MMP25: variants seen among roughly 807,000 people sequenced by gnomAD.
The protein encoded by MMP25 is matrix metallopeptidase 25.
In MMP25, 68 loss-of-function variants were observed where a neutral mutation model predicts 62.1. The ratio of observed to expected loss-of-function variants is 1.10; its 90% CI spans 0.90 to 1.34. The LOEUF is 1.34. Ranked by LOEUF, MMP25 falls within the 40% of genes most tolerant of loss-of-function variation. The pLI, the probability that MMP25 is intolerant of heterozygous loss-of-function variation, is 0.00. For synonymous variants in MMP25, 407 were observed against 345.6 expected, an observed-to-expected ratio of 1.18 and a Z score of -1.97; for missense variants, 942 against 792.5, an observed-to-expected ratio of 1.19 and a Z score of -2.26.
intron 4 of MMP25, 170 bp from the exon 5 acceptor site, chr16:3,056,863 T>C: frequency 1.6e-6 from 1 of 608,312 alleles, no homozygotes; most frequent in Non-Finnish European, 2.8e-6. Context: ...ACTGAGTGAC[T>C]GGAGACAGGG....
chr16:3,056,410 CTTT>C (rs1956010207), intron 4 of MMP25, among the ~76,000 whole-genome samples: 1 of 150,216 alleles, frequency 6.7e-6, no homozygotes, highest in African/African-American at 2.5e-5. Context: ...TTTCTTTTTA[CTTT>C]TTTTGAGACG....
At chr16:3,049,835 C>T (rs999153376) in intron 2 of MMP25, among the ~76,000 whole-genome samples, 174 bp from the exon 3 acceptor site, 1 of 152,262 alleles carries the variant, frequency 6.6e-6, no homozygotes, top group Non-Finnish European at 1.5e-5. Context: ...TTGGTAGGAG[C>T]TGGCTTCCAG....
chr16:3,058,583 C>T lies in MMP25; in HGVS notation c.1331C>T (p.Ala444Val), dbSNP rs1418583637. ...TACTGGCGCTACGACGAGGCGGCGG[C>T]GCGCCCGGACCCCGGCTACCCTCGC... ...RQYWRYDEAAARPDPGYPRDL... is the reference protein window; with the variant it reads ...RQYWRYDEAAVRPDPGYPRDL... Residue 444 changes from alanine to valine, a missense_variant, in exon 9 of 10, where the codon GCG (alanine) becomes GTG (valine). Transcript: ENST00000336577. 3 of 1,607,834 alleles carry T rather than the reference C, an allele frequency of 1.9e-6. No individual in the cohort carries two copies. Among genetic ancestry groups the T allele is most frequent in the Non-Finnish European group, 2.5e-6 (3 of 1,178,064 alleles).
chr16:3,047,122 C>T, intron 1 of MMP25, 106 bp downstream of exon 1: 3 of 1,252,594 alleles, frequency 2.4e-6, no homozygotes, highest in Non-Finnish European at 1.1e-6. Context: ...ATTCCAATAT[C>T]CAAAGAGTGA....
Position 3,058,618 on chromosome 16 carries a change from C to T in MMP25, c.1366C>T (p.Leu456Phe), listed in dbSNP as rs1273930283. The T allele has an allele frequency of 4.4e-6, 7 of 1,606,942 alleles. No homozygotes were observed. In the South Asian group the frequency reaches 7.7e-5, roughly 18 times the overall value. The change falls in exon 9 of 10, where the codon CTC (leucine) becomes TTC (phenylalanine). Residue 456 changes from leucine to phenylalanine, a missense_variant. By Grantham distance (22) the Leu-to-Phe change is conservative. Transcript: ENST00000336577. ...PDPGYPRDLS[L>F]WEGAPPSPDD... Reference sequence around the variant, plus strand: ...CCCCGGCTACCCTCGCGACCTGAGCCTCTGGGAAGGCGCGCCCCCCTCCCC... The same window carrying T: ...CCCCGGCTACCCTCGCGACCTGAGCTTCTGGGAAGGCGCGCCCCCCTCCCC...
At chr16:3,054,070 G>A (rs1235806796) in intron 4 of MMP25, 1 of 151,512 alleles carries the variant, frequency 6.6e-6, no homozygotes, top group African/African-American at 2.4e-5. Context: ...ACAAAGAAGG[G>A]ATCGGGGATT....
intron 2 of MMP25, among the ~76,000 whole-genome samples, chr16:3,047,990 C>T (rs1054317699): frequency 2.0e-5 from 3 of 152,078 alleles, no homozygotes; most frequent in African/African-American, 7.2e-5. Context: ...CAGGCACGCA[C>T]CATCACACCA....
Position 3,058,538 on chromosome 16 carries a change from A to C in MMP25, c.1286A>C (p.Tyr429Ser). 1.9e-6 allele frequency: 3 copies of C among 1,610,650 alleles called. No homozygotes were observed. Among genetic ancestry groups the C allele is most frequent in the Non-Finnish European group, 2.5e-6 (3 of 1,179,282 alleles). Reference protein sequence around the residue: ...VFSWPQNGKTYLVRGRQYWRY... With the variant: ...VFSWPQNGKTSLVRGRQYWRY... ...TCGTGGCCACAGAACGGGAAGACCT[A>C]CCTGGTCCGCGGCCGGCAGTACTGG... Residue 429 changes from tyrosine (Y) to serine (S), a missense_variant, in exon 9 of 10, where the codon TAC becomes TCC. Transcript: ENST00000336577.
chr16:3,050,064 G>A lies in MMP25; in HGVS notation c.288G>A (p.Leu96=), dbSNP rs1955876305. The A allele has an allele frequency of 1.2e-6, 2 of 1,610,944 alleles. No homozygotes were observed. The highest frequency in any genetic ancestry group is 1.7e-6 in the Non-Finnish European group (2 of 1,179,920). The change falls in exon 3 of 10, where the codon CTG becomes CTA. Residue 96 remains leucine (L), a synonymous_variant. Transcript: ENST00000336577. Reference sequence around the variant, plus strand: ...CCCGCTGCTCCCTGCCTGACGTGCTGGGGGTGGCGGGGCTGGTCAGGCGGC... The same window carrying A: ...CCCGCTGCTCCCTGCCTGACGTGCTAGGGGTGGCGGGGCTGGTCAGGCGGC... ...RKPRCSLPDV[L]GVAGLVRRRR...
chr16:3,049,027 C>T (rs547757774), intron 2 of MMP25, among the ~76,000 whole-genome samples: 2 of 152,038 alleles, frequency 1.3e-5, no homozygotes, highest in African/African-American at 2.4e-5. Context: ...AAGCAGGTCT[C>T]GAACTCTTAG....
In MMP25 at chr16:3,050,302, G is replaced by T; in HGVS notation, c.417G>T (p.Arg139=). 6.2e-7 allele frequency: 1 copy of T among 1,612,716 alleles called. No homozygotes were observed. Among genetic ancestry groups the T allele is most frequent in the Non-Finnish European group, 8.5e-7 (1 of 1,179,150 alleles). The part of the protein sequence containing the change: ...QSSQLSQETV[R]VLMSYALMAW... ...CCCAGCTGAGCCAGGAGACCGTGCG[G>T]GTCCTCATGAGCTATGCCCTGATGG... Residue 139 remains arginine (R), a synonymous_variant, in exon 4 of 10, where the codon CGG becomes CGT. Transcript: ENST00000336577.
intron 4 of MMP25, chr16:3,055,968 G>C (rs1437283675): frequency 2.2e-6 from 1 of 455,364 alleles, no homozygotes; most frequent in South Asian, 1.6e-5. Context: ...GGAAGAGGCT[G>C]GGAGCAAGGC....
At chr16:3,047,118 A>G (rs1172906953) in intron 1 of MMP25, 102 bp downstream of exon 1, 3 of 1,254,192 alleles carry the variant, frequency 2.4e-6, no homozygotes, top group Non-Finnish European at 3.1e-6. Context: ...CCAGATTCCA[A>G]TATCCAAAGA....
At chr16:3,048,175 G>C (rs1955848852) in intron 2 of MMP25, among the ~76,000 whole-genome samples, 1 of 152,180 alleles carries the variant, frequency 6.6e-6, no homozygotes, top group Non-Finnish European at 1.5e-5. Context: ...GAGTGTAGTG[G>C]CATAGGCCTG....
rs569853317 is a variant in MMP25, at chr16:3,058,971, C to T, written c.1562C>T (p.Pro521Leu). The change falls in exon 10 of 10, where the codon CCC becomes CTC. Residue 521 changes from proline to leucine, a missense_variant. Coordinates refer to ENST00000336577, the MANE Select transcript of MMP25 (RefSeq NM_022468.5). ...TCTGGTCCCCGCGCCCCCAGGCCCCCCAAAGCGACCCCCGTGTCCGAAACC... is the reference window on the plus strand; with the variant it reads ...TCTGGTCCCCGCGCCCCCAGGCCCCTCAAAGCGACCCCCGTGTCCGAAACC... ...PSSGPRAPRP[P>L]KATPVSETCD... The T allele has an allele frequency of 1.0e-5, 16 of 1,554,270 alleles. No individual in the cohort carries two copies. The African/African-American group carries it at 1.4e-4, about 13-fold the overall frequency.
intron 4 of MMP25, among the ~76,000 whole-genome samples, chr16:3,056,501 G>T (rs1396349844): frequency 2.0e-5 from 3 of 151,972 alleles, no homozygotes; most frequent in African/African-American, 7.3e-5. Context: ...CCGGGCTCCA[G>T]CGATTCTCCT....
chr16:3,057,263 T>A lies in MMP25; in HGVS notation c.839-47T>A, dbSNP rs1225067436. ...CATCATTGCCCCATCCAGTGTCCTC[T>A]GCAGCAGGGCCAGGGGACGCACACC... On this transcript the variant is annotated intron_variant, in intron 5 of 9. Transcript: ENST00000336577. The A allele has an allele frequency of 1.9e-6, 3 of 1,614,036 alleles. No homozygotes were observed. The South Asian group carries it at 3.3e-5, about 18-fold the overall frequency.
Position 3,058,416 on chromosome 16 carries a change from C to T in MMP25, c.1164C>T (p.Pro388=), listed in dbSNP as rs752900648. ...RDGRILLFSG[P]QFWVFQDRQL... ...CTCCCGGCCTCCACCCTGCAGGGCCCCAGTTCTGGGTGTTCCAGGACCGGC... is the reference window on the plus strand; with the variant it reads ...CTCCCGGCCTCCACCCTGCAGGGCCTCAGTTCTGGGTGTTCCAGGACCGGC... The change falls in exon 9 of 10, where the codon CCC becomes CCT. Residue 388 remains proline, a synonymous_variant. Coordinates refer to ENST00000336577, the MANE Select transcript of MMP25 (RefSeq NM_022468.5). 6.4e-7 allele frequency: 1 copy of T among 1,557,590 alleles called. No homozygotes were observed. Among genetic ancestry groups the T allele is most frequent in the Non-Finnish European group, 8.7e-7 (1 of 1,151,492 alleles).
intron 4 of MMP25, chr16:3,053,476 C>G (rs900402353): frequency 1.3e-5 from 2 of 152,166 alleles, no homozygotes; most frequent in African/African-American, 4.8e-5. Context: ...CTGCTGGTGG[C>G]GTGGGCTTGC....
Sources: allele counts gnomAD v4.1 joint callset (sites outside exome capture counted in the v4.1 genomes callset), GRCh38; gene constraint gnomAD v4.1.1; transcripts MANE v1.5; gene names NCBI Gene and HGNC (gene_info 2026-07-23, HGNC 2026-07-21).